The following MAGI1 variants were observed in gnomAD, a reference collection of about 807,000 sequenced individuals.
MAGI1 encodes membrane-associated guanylate kinase, WW and PDZ domain-containing protein 1.
Under a neutral mutation model 139.9 loss-of-function variants are expected in MAGI1, and 58 were observed. The observed-to-expected ratio is 0.41, with a 90% confidence interval of 0.34 to 0.52. MAGI1 has a LOEUF of 0.52. Ranked by LOEUF, MAGI1 falls within the 20% of genes least tolerant of loss-of-function variation. The pLI, the probability that MAGI1 is intolerant of heterozygous loss-of-function variation, is 0.12. For synonymous variants in MAGI1, 812 were observed against 737.9 expected, an observed-to-expected ratio of 1.10 and a Z score of -1.63; for missense variants, 1,874 against 1,901.6, an observed-to-expected ratio of 0.99 and a Z score of 0.27.
At chr3:65,421,438 T>G (rs530709194) in intron 12 of MAGI1, among the ~76,000 whole-genome samples, 15 of 152,140 alleles carry the variant, frequency 9.9e-5, no homozygotes, top group African/African-American at 2.9e-4. Context: ...GCACCACAGA[T>G]AGTGGTGAGT....
intron 1 of MAGI1, among the ~76,000 whole-genome samples, chr3:65,655,696 T>C (rs1011272355): frequency 3.3e-5 from 5 of 152,172 alleles, no homozygotes; most frequent in Non-Finnish European, 7.3e-5. Context: ...TCAGACAGAA[T>C]AGAAATGGAA....
intron 1 of MAGI1, among the ~76,000 whole-genome samples, chr3:65,991,973 C>A (rs892803416): frequency 6.6e-6 from 1 of 152,122 alleles, no homozygotes; most frequent in Admixed American, 6.5e-5. Flanking sequence ...CGAGATCGCA[C>A]CACTGCACTC....
intron 1 of MAGI1, among the ~76,000 whole-genome samples, chr3:65,891,690 A>T (rs2060753945): frequency 8.2e-6 from 1 of 121,704 alleles, no homozygotes; most frequent in African/African-American, 3.2e-5. Context: ...CAATAGCCCT[A>T]AGGTGTTGGA....
chr3:66,003,787 G>C (rs1021512576), intron 1 of MAGI1: 28 of 152,070 alleles, frequency 1.8e-4, no homozygotes, highest in African/African-American at 6.3e-4. Context: ...CTGTTTTTAA[G>C]GGTAACTTGG....
intron 2 of MAGI1, among the ~76,000 whole-genome samples, chr3:65,542,147 A>C (rs1033207518): frequency 2.6e-5 from 4 of 152,064 alleles, no homozygotes; most frequent in Admixed American, 6.6e-5. Flanking sequence ...AGAGCCAAAT[A>C]ATGAGTGAAC....
At chr3:65,802,756 G>A (rs929205032) in intron 1 of MAGI1, among the ~76,000 whole-genome samples, 12 of 151,880 alleles carry the variant, frequency 7.9e-5, no homozygotes, top group African/African-American at 2.2e-4. Context: ...AGAATGCCTA[G>A]TTTCCTGCCT....
intron 1 of MAGI1, among the ~76,000 whole-genome samples, chr3:65,824,910 G>T (rs1358183710): frequency 6.6e-6 from 1 of 152,112 alleles, no homozygotes; most frequent in Non-Finnish European, 1.5e-5. Flanking sequence ...TTAAAATGTT[G>T]TAAGAGTACA....
At position 65,794,168 on chromosome 3, in the gene MAGI1, C is replaced by T. The variant is rs1445810610; in HGVS notation, c.314-172080G>A. Among the ~76,000 whole-genome samples the T allele has an allele frequency of 2.0e-5, 3 of 152,146 alleles. No homozygotes were observed. In the East Asian group the frequency reaches 5.8e-4, roughly 29 times the overall value. ...AAGATCTGGAATGGCCATTTTCCTTCTCGTAAAAGGAAAAACTCAAAAATT... is the reference window on the plus strand; with the variant it reads ...AAGATCTGGAATGGCCATTTTCCTTTTCGTAAAAGGAAAAACTCAAAAATT... On this transcript the variant is annotated intron_variant, in intron 1 of 22. Transcript: ENST00000402939.
At chr3:65,540,438 C>T (rs888778827) in intron 2 of MAGI1, among the ~76,000 whole-genome samples, 3 of 152,046 alleles carry the variant, frequency 2.0e-5, no homozygotes, top group African/African-American at 7.2e-5. Flanking sequence ...ATTCCCAGTG[C>T]CTAAAAAAGT....
intron 1 of MAGI1, among the ~76,000 whole-genome samples, chr3:65,834,698 G>C (rs1159291774): frequency 6.6e-6 from 1 of 152,150 alleles, no homozygotes; most frequent in Non-Finnish European, 1.5e-5. Flanking sequence ...CTATAATTGT[G>C]GATGTATCTA....
intron 1 of MAGI1, among the ~76,000 whole-genome samples, chr3:65,834,714 T>C (rs2042714447): frequency 6.6e-6 from 1 of 152,258 alleles, no homozygotes; most frequent in Non-Finnish European, 1.5e-5. Context: ...ATCTATTTCT[T>C]CTTTCATCTC....
chr3:65,697,677 C>A (rs2089317433), intron 1 of MAGI1, among the ~76,000 whole-genome samples: 1 of 110,286 alleles, frequency 9.1e-6, no homozygotes, highest in Non-Finnish European at 1.8e-5. Flanking sequence ...TTCAATAACC[C>A]TTCATGCTAA....
At chr3:65,739,468 C>G (rs754829910) in intron 1 of MAGI1, among the ~76,000 whole-genome samples, 1 of 152,156 alleles carries the variant, frequency 6.6e-6, no homozygotes, top group African/African-American at 2.4e-5. Context: ...TTTAATTTGC[C>G]GCCAGAACTC....
chr3:65,674,839 A>T (rs1008245512), intron 1 of MAGI1, among the ~76,000 whole-genome samples: 1 of 152,222 alleles, frequency 6.6e-6, no homozygotes, highest in Non-Finnish European at 1.5e-5. Context: ...TCAAATATTT[A>T]AAAATGAGGA....
chr3:65,979,088 T>TCCCCCCCCCCCCCCCCCCCCCC (rs200894076), intron 1 of MAGI1, among the ~76,000 whole-genome samples: 3 of 52,986 alleles, frequency 5.7e-5, no homozygotes, highest in South Asian at 8.2e-4. Flanking sequence ...TTTCTTTTCT[T>TCCCCCCCCCCCCCCCCCCCCCC]CCCCCCCCCC....
At chr3:65,728,973 A>C (rs986082458) in intron 1 of MAGI1, among the ~76,000 whole-genome samples, 1 of 152,166 alleles carries the variant, frequency 6.6e-6, no homozygotes, top group African/African-American at 2.4e-5. Flanking sequence ...ATTAAATAGG[A>C]ATGACATGCA....
At chr3:65,722,179 T>G (rs1383053526) in intron 1 of MAGI1, among the ~76,000 whole-genome samples, 3 of 152,156 alleles carry the variant, frequency 2.0e-5, no homozygotes, top group African/African-American at 7.2e-5. Flanking sequence ...ATATTTCTAC[T>G]TTGAATATCA....
At chr3:65,386,888 A>C (rs1393509550) in intron 14 of MAGI1, among the ~76,000 whole-genome samples, 1 of 152,222 alleles carries the variant, frequency 6.6e-6, no homozygotes, top group East Asian at 1.9e-4. Flanking sequence ...CCAGATTTGC[A>C]AAGAAACTGC....
chr3:65,984,975 T>C (rs1325319157), intron 1 of MAGI1, among the ~76,000 whole-genome samples: 2 of 152,306 alleles, frequency 1.3e-5, no homozygotes, highest in Middle Eastern at 3.4e-3. Context: ...TCATTTAAAA[T>C]GGGGCAGAGG....
Sources: allele counts gnomAD v4.1 joint callset (sites outside exome capture counted in the v4.1 genomes callset), GRCh38; gene constraint gnomAD v4.1.1; transcripts MANE v1.5; gene names NCBI Gene and HGNC (gene_info 2026-07-23, HGNC 2026-07-21).